Variants in ARHGAP26 observed in about 807,000 individuals in gnomAD.
The protein encoded by ARHGAP26 is rho GTPase-activating protein 26.
Under a neutral mutation model 104.8 loss-of-function variants are expected in ARHGAP26, and 38 were observed. That is an observed-to-expected ratio of 0.36 (90% CI 0.28 to 0.48). The LOEUF is 0.48. Ranked by LOEUF, ARHGAP26 falls within the 20% of genes least tolerant of loss-of-function variation. The pLI is 0.99. For missense variants in ARHGAP26, 704 were observed against 947.9 expected, an observed-to-expected ratio of 0.74 and a Z score of 3.38; for synonymous variants, 341 against 340.0, an observed-to-expected ratio of 1.00 and a Z score of -0.03.
chr5:142,826,676 A>AG (rs1767351209), intron 1 of ARHGAP26, among the ~76,000 whole-genome samples: 1 of 152,132 alleles, frequency 6.6e-6, no homozygotes. Flanking sequence ...GAGACCCATG[A>AG]GGTGGGGTGA....
At chr5:143,054,338 G>T in intron 14 of ARHGAP26, 101 bp from the exon 15 acceptor site, 2 of 679,180 alleles carry the variant, frequency 2.9e-6, no homozygotes, top group South Asian at 2.8e-5. Context: ...GTTTTACTTT[G>T]CATTTCTCTA....
At chr5:142,796,443 G>A (rs1213420363) in intron 1 of ARHGAP26, among the ~76,000 whole-genome samples, 1 of 152,170 alleles carries the variant, frequency 6.6e-6, no homozygotes, top group African/African-American at 2.4e-5. Context: ...ATAATCGCTG[G>A]TTAAAAGAGA....
chr5:143,048,138 C>T (rs1002820622), intron 14 of ARHGAP26, among the ~76,000 whole-genome samples: 4 of 152,100 alleles, frequency 2.6e-5, no homozygotes, highest in Non-Finnish European at 5.9e-5. Context: ...GCGTGAGCCA[C>T]CGCACCTGGC....
At chr5:142,851,725 T>C (rs1751558833) in intron 1 of ARHGAP26, among the ~76,000 whole-genome samples, 2 of 152,200 alleles carry the variant, frequency 1.3e-5, no homozygotes, top group Non-Finnish European at 1.5e-5. Context: ...CCCTGCCCTT[T>C]CTCCCACGTG....
intron 6 of ARHGAP26, among the ~76,000 whole-genome samples, chr5:142,898,779 C>T (rs1056762905): frequency 6.6e-6 from 1 of 152,174 alleles, no homozygotes; most frequent in African/African-American, 2.4e-5. Flanking sequence ...TGTGGCTTAG[C>T]CCCCTCAGCT....
chr5:142,988,089 C>T (rs1016727215), intron 11 of ARHGAP26, among the ~76,000 whole-genome samples: 3 of 152,146 alleles, frequency 2.0e-5, no homozygotes, highest in African/African-American at 7.2e-5. Context: ...CTCTTTGTAC[C>T]TCTGGTAGAA....
chr5:143,117,840 G>C (rs1029679809), intron 17 of ARHGAP26, among the ~76,000 whole-genome samples: 18 of 152,340 alleles, frequency 1.2e-4, no homozygotes, highest in Middle Eastern at 3.4e-3. Flanking sequence ...AGTTTAATGA[G>C]TAAGTAGCTG....
intron 11 of ARHGAP26, among the ~76,000 whole-genome samples, chr5:143,009,522 G>A (rs1778442480): frequency 6.6e-6 from 1 of 152,188 alleles, no homozygotes; most frequent in African/African-American, 2.4e-5. Flanking sequence ...AACCGAATAA[G>A]ACAATGCACA....
chr5:142,872,228 G>A (rs554875395), intron 1 of ARHGAP26, among the ~76,000 whole-genome samples: 1 of 151,522 alleles, frequency 6.6e-6, no homozygotes, highest in South Asian at 2.1e-4. Flanking sequence ...TGGAAAACAC[G>A]ATCCCTAACC....
chr5:143,144,983 G>C (rs1798994198), intron 19 of ARHGAP26, among the ~76,000 whole-genome samples: 1 of 152,174 alleles, frequency 6.6e-6, no homozygotes, highest in Admixed American at 6.6e-5. Context: ...GGAATGCCAG[G>C]TTTCTGGGTT....
intron 9 of ARHGAP26, among the ~76,000 whole-genome samples, chr5:142,911,485 A>G (rs1430608830): frequency 6.6e-6 from 1 of 152,122 alleles, no homozygotes; most frequent in African/African-American, 2.4e-5. Flanking sequence ...ACCAGGTCAG[A>G]TCTCCTTAAC....
intron 20 of ARHGAP26, among the ~76,000 whole-genome samples, chr5:143,180,468 T>C (rs1440887543): frequency 2.0e-5 from 3 of 152,198 alleles, no homozygotes; most frequent in Admixed American, 1.3e-4. Flanking sequence ...GTTCCATTTA[T>C]CAGCAACATA....
At chr5:142,834,857 G>A (rs566096482) in intron 1 of ARHGAP26, among the ~76,000 whole-genome samples, 3 of 152,330 alleles carry the variant, frequency 2.0e-5, no homozygotes, top group Non-Finnish European at 2.9e-5. Flanking sequence ...GCAAAGTCAC[G>A]TTGCAAAGGA....
intron 1 of ARHGAP26, among the ~76,000 whole-genome samples, chr5:142,787,339 C>G (rs1307430378): frequency 6.6e-6 from 1 of 152,134 alleles, no homozygotes; most frequent in African/African-American, 2.4e-5. Context: ...GGAATGAGAG[C>G]ATGTTATTTG....
intron 1 of ARHGAP26, among the ~76,000 whole-genome samples, chr5:142,832,909 TCTAGTTTTTTA>T (rs1168036207): frequency 2.6e-5 from 4 of 152,226 alleles, no homozygotes; most frequent in African/African-American, 9.6e-5. Flanking sequence ...TCAGTTTTTT[TCTAGTTTTTTA>T]CTTAAAAATT....
intron 21 of ARHGAP26, among the ~76,000 whole-genome samples, chr5:143,210,330 T>C (rs999874192): frequency 6.6e-6 from 1 of 152,082 alleles, no homozygotes; most frequent in Non-Finnish European, 1.5e-5. Context: ...TTCAGTATTA[T>C]GAGAACAGTA....
In ARHGAP26 at chr5:142,971,561, GCTAGA is replaced by G. The variant is rs1772277457; in HGVS notation, c.1107+39440_1107+39444del. Among the ~76,000 whole-genome samples the G allele has an allele frequency of 2.0e-5, 3 of 152,104 alleles. No homozygotes were observed. In the South Asian group the frequency reaches 6.2e-4, roughly 32 times the overall value. ...TCTTTAAGCGAAGTCTTCTGGTAGT[GCTAGA>G]CTACTCTTTTCTGTACCTGCTGATT... is the stretch of plus-strand genomic sequence containing the variant. On this transcript the variant is annotated intron_variant, in intron 11 of 22. Coordinates refer to ENST00000645722, the MANE Select transcript of ARHGAP26 (RefSeq NM_001135608.3).
intron 1 of ARHGAP26, among the ~76,000 whole-genome samples, chr5:142,786,414 A>G (rs1295097536): frequency 6.6e-6 from 1 of 151,994 alleles, no homozygotes; most frequent in East Asian, 1.9e-4. Context: ...CTCCCACCTC[A>G]TTTTCCTGAG....
At chr5:143,056,353 A>ATGTTGGAG (rs1440900632) in intron 16 of ARHGAP26, among the ~76,000 whole-genome samples, 2 of 74,216 alleles carry the variant, frequency 2.7e-5, no homozygotes, top group Non-Finnish European at 5.1e-5. Context: ...GGGGAGGAGG[A>ATGTTGGAG]TGTTGGAGGG....
Sources: allele counts gnomAD v4.1 joint callset (sites outside exome capture counted in the v4.1 genomes callset), GRCh38; gene constraint gnomAD v4.1.1; transcripts MANE v1.5; gene names NCBI Gene and HGNC (gene_info 2026-07-23, HGNC 2026-07-21).